Variants in NDUFAF5 observed in about 807,000 individuals in gnomAD.
NDUFAF5 encodes NADH:ubiquinone oxidoreductase complex assembly factor 5.
In NDUFAF5, 34 loss-of-function variants were observed where a neutral mutation model predicts 48.9. That is an observed-to-expected ratio of 0.70 (90% confidence interval 0.53 to 0.93). The LOEUF is 0.93. NDUFAF5 is among the 40% of genes least tolerant of loss of function. The pLI is 0.00. For missense variants in NDUFAF5, 428 were observed against 427.5 expected, an observed-to-expected ratio of 1.00 and a Z score of -0.01; for synonymous variants, 153 against 150.6, an observed-to-expected ratio of 1.02 and a Z score of -0.12.
chr20:13,807,772 TC>T (rs1368314867), intron 7 of NDUFAF5, among the ~76,000 whole-genome samples: 1 of 150,324 alleles, frequency 6.7e-6, no homozygotes, highest in Non-Finnish European at 1.5e-5. Flanking sequence ...TGAAAGCCCG[TC>T]TCTACTAAAA....
rs1477419275 is a variant in NDUFAF5 at position 13,801,672 on chromosome 20, ACT to A, written c.709_710del (p.Leu237AspfsTer5). ...TCTGCTTGGGAGAGCTGGCTTTAAT[ACT>A]CTGACTGTGGTAACTATCAAGTTCG... ...GHLLGRAGFN[T>X]LTVDTDEIQV... On this transcript the variant is annotated frameshift_variant, in exon 7 of 11. Coordinates refer to ENST00000378106, the MANE Select transcript of NDUFAF5 (RefSeq NM_024120.5). LOFTEE classifies it high-confidence loss of function. 3 of 1,613,608 alleles carry A rather than the reference ACT, an allele frequency of 1.9e-6. No homozygotes were observed. The South Asian group carries it at 3.3e-5, about 18-fold the overall frequency.
rs1255481662 is a variant in NDUFAF5 at position 13,818,714 on chromosome 20, T to C, written c.*1504T>C. On this transcript the variant is annotated 3_prime_UTR_variant, in exon 11 of 11. Coordinates refer to ENST00000378106, the MANE Select transcript of NDUFAF5 (RefSeq NM_024120.5). ...TGGAGGAATGGGTAAATTCCAGGGG[T>C]CTATATTTCCAAAAGGACATGTGTT... 2 of 164,808 alleles carry C rather than the reference T, an allele frequency of 1.2e-5. No homozygotes were observed. Among genetic ancestry groups the C allele is most frequent in the Non-Finnish European group, 2.6e-5 (2 of 75,572 alleles). 10.2% of individuals were successfully genotyped at this position (164,808 alleles called of 1,614,324 possible).
chr20:13,789,479 CTTTTTTTTTTTT>C (rs751983106), intron 3 of NDUFAF5, among the ~76,000 whole-genome samples: 1 of 126,154 alleles, frequency 7.9e-6, no homozygotes, highest in Admixed American at 8.1e-5. Context: ...AGTGGAATTT[CTTTTTTTTTTTT>C]TTGAGACAGA....
chr20:13,808,775 C>T, intron 7 of NDUFAF5, 67 bp from the exon 8 acceptor site: 1 of 1,095,566 alleles, frequency 9.1e-7, no homozygotes, highest in South Asian at 1.3e-5. Flanking sequence ...TCTCTGCGGC[C>T]TCTTTTTTAA....
At chr20:13,798,007 T>C (rs1456625323) in intron 5 of NDUFAF5, among the ~76,000 whole-genome samples, 1 of 152,180 alleles carries the variant, frequency 6.6e-6, no homozygotes, top group Admixed American at 6.5e-5. Flanking sequence ...TTGAAAAAAT[T>C]TAGATCTGCA....
At chr20:13,801,955 A>G (rs1984226344) in intron 7 of NDUFAF5, 2 of 383,230 alleles carry the variant, frequency 5.2e-6, no homozygotes, top group African/African-American at 4.2e-5. Flanking sequence ...ATTTCTAAAC[A>G]TACAACTCCA....
At chr20:13,804,507 A>G (rs936474128) in intron 7 of NDUFAF5, among the ~76,000 whole-genome samples, 8 of 152,140 alleles carry the variant, frequency 5.3e-5, no homozygotes, top group African/African-American at 1.9e-4. Context: ...TTAACAGTAT[A>G]TGTATTTCCA....
At chr20:13,806,887 A>G (rs1319764011) in intron 7 of NDUFAF5, among the ~76,000 whole-genome samples, 4 of 152,108 alleles carry the variant, frequency 2.6e-5, no homozygotes, top group East Asian at 3.9e-4. Context: ...GTAAAGTGAA[A>G]CGAAGTCTCC....
At chr20:13,793,494 A>G (rs562862729) in intron 4 of NDUFAF5, among the ~76,000 whole-genome samples, 2 of 152,228 alleles carry the variant, frequency 1.3e-5, no homozygotes, top group Admixed American at 1.3e-4. Context: ...TATGAACATT[A>G]CTATGCTAAT....
chr20:13,801,534 G>A lies in NDUFAF5; in HGVS notation c.568G>A (p.Gly190Arg), dbSNP rs1482369362. The A allele has an allele frequency of 6.2e-7, 1 of 1,613,816 alleles. No individual in the cohort carries two copies. Among genetic ancestry groups the A allele is most frequent in the Non-Finnish European group, 8.5e-7 (1 of 1,179,874 alleles). Residue 190 changes from glycine (G) to arginine (R), a missense_variant, in exon 7 of 11, where the codon GGA becomes AGA. Physicochemically the swap from Gly to Arg is moderately radical, Grantham distance 125. Transcript: ENST00000378106. ...PDGVFIGAMF[G>R]GDTLYELRCS... ...TGGAGTGTTTATCGGTGCAATGTTT[G>A]GAGGCGACACACTCTATGAACTTCG... is the stretch of plus-strand genomic sequence containing the variant.
At chr20:13,794,315 T>C (rs527554500) in intron 4 of NDUFAF5, among the ~76,000 whole-genome samples, 5 of 152,184 alleles carry the variant, frequency 3.3e-5, no homozygotes, top group African/African-American at 2.4e-5. Flanking sequence ...AGTCTTGCAC[T>C]GTTGTCCAGG....
intron 8 of NDUFAF5, 21 bp from the exon 9 acceptor site, chr20:13,816,442 C>A: frequency 6.3e-7 from 1 of 1,577,242 alleles, no homozygotes; most frequent in Non-Finnish European, 8.7e-7. Flanking sequence ...TTATCTCAAA[C>A]TACCTGTAGT....
Position 13,798,498 on chromosome 20 carries a change from C to T in NDUFAF5, c.517C>T (p.Gln173Ter). The stretch of plus-strand genomic sequence containing the variant: ...GAATGACCTTCCTAGAGCACTTGAG[C>T]AGGTAAGAAAACTTATGTTCATTCA... ...WVNDLPRALE[Q>*]IHYILKPDGV... Residue 173 changes from glutamine to a stop codon, truncating the protein, a stop_gained and splice_region_variant, in exon 6 of 11, where the codon CAG becomes TAG. Transcript: ENST00000378106. LOFTEE classifies it high-confidence loss of function. 2 of 1,606,276 alleles carry T rather than the reference C, an allele frequency of 1.2e-6. No homozygotes were observed. The highest frequency in any genetic ancestry group is 1.1e-5 in the South Asian group (1 of 90,884).
rs369187296 is a variant in NDUFAF5, at chr20:13,785,067, A to C, written c.-2A>C. The C allele has an allele frequency of 6.8e-6, 11 of 1,610,182 alleles. No homozygotes were observed. In the Admixed American group the frequency reaches 1.3e-4, roughly 20 times the overall value. Reference sequence around the variant, plus strand: ...CGCCGGCAATTGGGGTCGCAGCTGGAGATGCTGCGGCCGGCAGGGCTCTGG... The same window carrying C: ...CGCCGGCAATTGGGGTCGCAGCTGGCGATGCTGCGGCCGGCAGGGCTCTGG... On this transcript the variant is annotated 5_prime_UTR_variant, in exon 1 of 11. Coordinates refer to ENST00000378106, the MANE Select transcript of NDUFAF5 (RefSeq NM_024120.5).
rs562335414 is a variant in NDUFAF5, at chr20:13,785,109, C to A, written c.41C>A (p.Pro14His). 7 of 1,613,478 alleles carry A rather than the reference C, an allele frequency of 4.3e-6. No individual in the cohort carries two copies. The highest frequency in any genetic ancestry group is 3.3e-5 in the South Asian group (3 of 91,072). ...PAGLWRLCRR[P>H]WAARVPAENL... ...GGGCTCTGGCGCTTATGTCGGCGAC[C>A]TTGGGCGGCGAGGGTCCCAGCGGAG... The change falls in exon 1 of 11, where the codon CCT becomes CAT. Residue 14 changes from proline (P) to histidine (H), a missense_variant. By Grantham distance (77) the Pro-to-His change is moderately conservative. Coordinates refer to ENST00000378106, the MANE Select transcript of NDUFAF5 (RefSeq NM_024120.5).
intron 5 of NDUFAF5, among the ~76,000 whole-genome samples, chr20:13,798,028 T>C (rs1000257608): frequency 1.3e-5 from 2 of 152,218 alleles, no homozygotes; most frequent in African/African-American, 4.8e-5. Flanking sequence ...GATAATTTTT[T>C]TCTAAGAAAG....
chr20:13,785,117 G>C lies in NDUFAF5; in HGVS notation c.49G>C (p.Ala17Pro). 5 of 1,613,736 alleles carry C rather than the reference G, an allele frequency of 3.1e-6. No homozygotes were observed. Among genetic ancestry groups the C allele is most frequent in the Non-Finnish European group, 4.2e-6 (5 of 1,179,960 alleles). Residue 17 changes from alanine (A) to proline (P), a missense_variant, in exon 1 of 11, where the codon GCG (alanine) becomes CCG (proline). By Grantham distance (27) the Ala-to-Pro change is conservative (BLOSUM62 -1). Transcript: ENST00000378106. ...LWRLCRRPWA[A>P]RVPAENLGRR... ...GCGCTTATGTCGGCGACCTTGGGCGGCGAGGGTCCCAGCGGAGAATCTTGG... is the reference window on the plus strand; with the variant it reads ...GCGCTTATGTCGGCGACCTTGGGCGCCGAGGGTCCCAGCGGAGAATCTTGG...
intron 1 of NDUFAF5, among the ~76,000 whole-genome samples, chr20:13,786,917 A>G (rs898791614): frequency 2.0e-5 from 3 of 152,108 alleles, no homozygotes; most frequent in Non-Finnish European, 2.9e-5. Context: ...CCACTTACAT[A>G]CTCATCTACA....
chr20:13,796,717 G>A (rs900407008), intron 5 of NDUFAF5, among the ~76,000 whole-genome samples: 3 of 152,158 alleles, frequency 2.0e-5, no homozygotes, highest in African/African-American at 7.2e-5. Flanking sequence ...GGTGGCTCAC[G>A]CCTATAATCC....
Sources: gnomAD v4.1 joint callset for allele counts (sites outside exome capture counted in the v4.1 genomes callset) on GRCh38, gnomAD v4.1.1 for gene constraint, MANE v1.5 for transcripts, NCBI Gene and HGNC (gene_info 2026-07-23, HGNC 2026-07-21) for gene names.